Variants in TLN2 observed in about 807,000 individuals in gnomAD.
The protein encoded by TLN2 is talin 2.
Under a neutral mutation model 294.7 loss-of-function variants are expected in TLN2, and 118 were observed. That is an observed-to-expected ratio of 0.40 (90% CI 0.34 to 0.47). The LOEUF (loss-of-function observed/expected upper bound fraction) is 0.47, where lower values mean the gene tolerates loss of function less well. TLN2 is among the 20% of genes least tolerant of loss of function. TLN2 has a pLI of 0.84. For synonymous variants in TLN2, 1,431 were observed against 1,304.5 expected, an observed-to-expected ratio of 1.10 and a Z score of -2.09; for missense variants, 3,083 against 3,282.2, an observed-to-expected ratio of 0.94 and a Z score of 1.48.
At chr15:62,397,707 A>G (rs1329725941) in intron 1 of TLN2, among the ~76,000 whole-genome samples, 1 of 152,180 alleles carries the variant, frequency 6.6e-6, no homozygotes, top group Non-Finnish European at 1.5e-5. Flanking sequence ...ACTAAAATGC[A>G]TGGAAATCAC....
chr15:62,675,167 C>T, intron 10 of TLN2, 50 bp from the exon 11 acceptor site: 1 of 1,567,554 alleles, frequency 6.4e-7, no homozygotes. Flanking sequence ...TCCAAGTCCA[C>T]CTGCTGGCAG....
chr15:62,481,798 C>CTTTTT (rs60002079), intron 1 of TLN2, among the ~76,000 whole-genome samples: 66 of 115,744 alleles, frequency 5.7e-4, no homozygotes, highest in African/African-American at 2.2e-3. Flanking sequence ...TTCTTTCTTT[C>CTTTTT]TTTTTTTTTT....
At chr15:62,599,746 G>C (rs1274125440) in intron 2 of TLN2, among the ~76,000 whole-genome samples, 1 of 152,134 alleles carries the variant, frequency 6.6e-6, no homozygotes, top group African/African-American at 2.4e-5. Context: ...AGGTGGTCCG[G>C]ATGCTTGGTT....
rs529660121 is a variant in TLN2, at chr15:62,611,282, G to A, written c.-161-7069G>A. Among the ~76,000 whole-genome samples, 15 of 152,282 alleles carry A rather than the reference G, an allele frequency of 9.9e-5. No homozygotes were observed. The South Asian group carries it at 3.1e-3, about 32-fold the overall frequency. On this transcript the variant is annotated intron_variant, in intron 2 of 58. Coordinates refer to ENST00000636159, the MANE Select transcript of TLN2 (RefSeq NM_015059.3). ...GAAAAAAACTGGCTTTATGCTACTGGTTTATGGCAGTACCATGCCATTTGG... is the reference window on the plus strand; with the variant it reads ...GAAAAAAACTGGCTTTATGCTACTGATTTATGGCAGTACCATGCCATTTGG...
At position 62,744,428 on chromosome 15, in the gene TLN2, A is replaced by G. The variant is rs1279353221; in HGVS notation, c.4025+3659A>G. ...AATTTTTTTTTTTTTTTTTTTTTTA[A>G]AGAGAGGCAGTCTTGCTGTGTTGCT... On this transcript the variant is annotated intron_variant, in intron 32 of 58. Coordinates refer to ENST00000636159, the MANE Select transcript of TLN2 (RefSeq NM_015059.3). Among the ~76,000 whole-genome samples the G allele has an allele frequency of 1.2e-3, 171 of 146,126 alleles. 1 individual carries two copies. In the East Asian group the frequency reaches 0.016, roughly 13 times the overall value.
At chr15:62,808,678 G>T (rs573093307) in intron 51 of TLN2, among the ~76,000 whole-genome samples, 3 of 152,300 alleles carry the variant, frequency 2.0e-5, no homozygotes, top group Non-Finnish European at 4.4e-5. Context: ...GTGTCTTCCC[G>T]CAGTGGTGTC....
In TLN2 at chr15:62,454,145, A is replaced by C. The variant is rs1595841941; in HGVS notation, c.-238+63460A>C. ...TTGAAGCCCTAGCATTTAGTGGCTC[A>C]TTTTGGCCTTTTTCTTCCCCTAAGG... On this transcript the variant is annotated intron_variant, in intron 1 of 58. Transcript: ENST00000636159. 1.3e-5 allele frequency among the ~76,000 whole-genome samples: 2 copies of C among 152,106 alleles called. 1 individual carries two copies. Among genetic ancestry groups the C allele is most frequent in the East Asian group, 3.9e-4 (2 of 5,190 alleles).
At chr15:62,585,665 A>T (rs550382506) in intron 1 of TLN2, among the ~76,000 whole-genome samples, 1 of 152,168 alleles carries the variant, frequency 6.6e-6, no homozygotes, top group Non-Finnish European at 1.5e-5. Flanking sequence ...GATTTATTGT[A>T]TGTTACTCTG....
At chr15:62,657,939 T>C in intron 9 of TLN2, 41 bp downstream of exon 9, 3 of 1,568,736 alleles carry the variant, frequency 1.9e-6, no homozygotes, top group Non-Finnish European at 2.6e-6. Context: ...TTTTCTCCTG[T>C]CTTCTTTCTC....
chr15:62,824,904 A>G (rs542604448), intron 54 of TLN2, among the ~76,000 whole-genome samples: 31 of 152,346 alleles, frequency 2.0e-4, no homozygotes, highest in South Asian at 2.1e-4. Flanking sequence ...ACTGTTCTCA[A>G]TGTTTTGGAG....
chr15:62,808,685 T>G (rs1348638845), intron 51 of TLN2, among the ~76,000 whole-genome samples: 1 of 152,186 alleles, frequency 6.6e-6, no homozygotes, highest in Non-Finnish European at 1.5e-5. Context: ...CCCGCAGTGG[T>G]GTCTCATCAA....
At chr15:62,641,557 A>G (rs2051108405) in intron 3 of TLN2, among the ~76,000 whole-genome samples, 1 of 152,158 alleles carries the variant, frequency 6.6e-6, no homozygotes, top group South Asian at 2.1e-4. Context: ...CGGGAGGCAG[A>G]GGTTGCAGTG....
chr15:62,756,601 C>T (rs1283784723), intron 37 of TLN2, among the ~76,000 whole-genome samples: 1 of 152,180 alleles, frequency 6.6e-6, no homozygotes. Context: ...AAGGAGTTAA[C>T]ACTTTTTAGT....
chr15:62,442,021 T>C (rs2035571755), intron 1 of TLN2, among the ~76,000 whole-genome samples: 1 of 152,154 alleles, frequency 6.6e-6, no homozygotes, highest in Non-Finnish European at 1.5e-5. Context: ...GTGTTTCCTT[T>C]AGTGCTGTGA....
intron 1 of TLN2, among the ~76,000 whole-genome samples, chr15:62,492,924 G>T (rs940536331): frequency 6.6e-6 from 1 of 152,188 alleles, no homozygotes; most frequent in African/African-American, 2.4e-5. Context: ...GGGTAGCCCA[G>T]GACGTTCTGG....
At chr15:62,428,760 A>T (rs1377168858) in intron 1 of TLN2, among the ~76,000 whole-genome samples, 1 of 152,222 alleles carries the variant, frequency 6.6e-6, no homozygotes, top group Admixed American at 6.5e-5. Context: ...ATACTGATGC[A>T]TGTGCCAGGT....
chr15:62,530,812 A>C (rs901531386), intron 1 of TLN2, among the ~76,000 whole-genome samples: 2 of 151,970 alleles, frequency 1.3e-5, no homozygotes, highest in African/African-American at 4.8e-5. Context: ...ATCTTTTTTA[A>C]TTTTGCATTT....
intron 1 of TLN2, among the ~76,000 whole-genome samples, chr15:62,422,090 G>A (rs948763500): frequency 5.9e-5 from 9 of 151,714 alleles, no homozygotes; most frequent in Non-Finnish European, 1.0e-4. Context: ...GTGAAACCCC[G>A]TCTGTACTAA....
intron 11 of TLN2, among the ~76,000 whole-genome samples, chr15:62,680,979 T>C (rs1237491315): frequency 1.3e-5 from 2 of 152,218 alleles, no homozygotes; most frequent in Admixed American, 6.5e-5. Context: ...CACTCATTAG[T>C]TGATGGTCAC....
Sources: gnomAD v4.1 joint callset for allele counts (sites outside exome capture counted in the v4.1 genomes callset) on GRCh38, gnomAD v4.1.1 for gene constraint, MANE v1.5 for transcripts, NCBI Gene and HGNC (gene_info 2026-07-23, HGNC 2026-07-21) for gene names.